The following CAP2 variants were observed in gnomAD, a reference collection of about 807,000 sequenced individuals.
The protein encoded by CAP2 is adenylyl cyclase-associated protein 2.
Under a neutral mutation model 57.7 loss-of-function variants are expected in CAP2, and 24 were observed. That is an observed-to-expected ratio of 0.42 (90% CI 0.30 to 0.58). CAP2 has a LOEUF of 0.58. Ranked by LOEUF, CAP2 falls within the 20% of genes least tolerant of loss-of-function variation. The pLI, the probability that CAP2 is intolerant of heterozygous loss-of-function variation, is 0.22. For missense variants in CAP2, 501 were observed against 590.3 expected (o/e 0.85, Z 1.57); for synonymous variants, 194 against 207.2 (o/e 0.94, Z 0.55).
At chr6:17,497,498 G>A (rs1274787299) in intron 4 of CAP2, among the ~76,000 whole-genome samples, 1 of 152,178 alleles carries the variant, frequency 6.6e-6, no homozygotes, top group African/African-American at 2.4e-5. Flanking sequence ...TTAAGCTTTG[G>A]TTTTCAACTT....
At chr6:17,544,136 A>G (rs1471464903) in intron 11 of CAP2, among the ~76,000 whole-genome samples, 24 of 150,124 alleles carry the variant, frequency 1.6e-4, no homozygotes, top group African/African-American at 5.3e-4. Flanking sequence ...AAAAAAAAAA[A>G]AGAAAAGAAA....
chr6:17,472,661 C>T lies in CAP2; in HGVS notation c.300+9588C>T, dbSNP rs575292488. On this transcript the variant is annotated intron_variant, in intron 4 of 12. Transcript: ENST00000229922. ...TAATTACATGGTGGCTAGCATGTGA[C>T]GGCTACTGCCCGTGCTGGATGTAGA... is the stretch of plus-strand genomic sequence containing the variant. Among the ~76,000 whole-genome samples, 393 of 152,218 alleles carry T rather than the reference C, an allele frequency of 2.6e-3. 2 individuals carry two copies. Among genetic ancestry groups the T allele is most frequent in the African/African-American group, 8.6e-3 (356 of 41,542 alleles).
At chr6:17,504,119 G>A (rs182166776) in intron 4 of CAP2, among the ~76,000 whole-genome samples, 73 of 152,278 alleles carry the variant, frequency 4.8e-4, no homozygotes, top group African/African-American at 1.7e-3. Flanking sequence ...TTGCATATAA[G>A]GGATGGGAAA....
intron 12 of CAP2, among the ~76,000 whole-genome samples, chr6:17,552,808 TTGATCTCCTTGAGCAGACG>T (rs1763201336): frequency 1.3e-5 from 2 of 152,150 alleles, no homozygotes; most frequent in Admixed American, 1.3e-4. Context: ...AACACACAGG[TTGATCTCCTTGAGCAGACG>T]GTGTGACTGC....
chr6:17,426,968 G>A (rs1344805875), intron 3 of CAP2, among the ~76,000 whole-genome samples: 1 of 152,122 alleles, frequency 6.6e-6, no homozygotes, highest in Non-Finnish European at 1.5e-5. Flanking sequence ...CTTTAGTCTG[G>A]GAAACAGATG....
intron 2 of CAP2, among the ~76,000 whole-genome samples, chr6:17,423,553 T>G (rs537602088): frequency 6.6e-6 from 1 of 152,236 alleles, no homozygotes; most frequent in East Asian, 1.9e-4. Context: ...ACCACAAATG[T>G]GAAGCCTGTG....
intron 1 of CAP2, among the ~76,000 whole-genome samples, chr6:17,420,617 T>C (rs1759414055): frequency 6.6e-6 from 1 of 152,196 alleles, no homozygotes; most frequent in African/African-American, 2.4e-5. Flanking sequence ...ATAGTGAAAA[T>C]ACGCTCCCAC....
intron 12 of CAP2, among the ~76,000 whole-genome samples, chr6:17,554,696 T>C (rs1057493223): frequency 6.6e-6 from 1 of 152,206 alleles, no homozygotes; most frequent in African/African-American, 2.4e-5. Flanking sequence ...ATCAGACACA[T>C]GAGGTTTCAA....
At chr6:17,444,698 T>A (rs1416391925) in intron 3 of CAP2, among the ~76,000 whole-genome samples, 2 of 146,762 alleles carry the variant, frequency 1.4e-5, no homozygotes, top group Non-Finnish European at 3.0e-5. Flanking sequence ...AATTAGCAAG[T>A]GAAATATTGA....
At chr6:17,421,724 C>T in intron 2 of CAP2, 48 bp downstream of exon 2, 1 of 1,606,716 alleles carries the variant, frequency 6.2e-7, no homozygotes, top group Non-Finnish European at 8.5e-7. Context: ...TGGGTTACTT[C>T]ATTTTGTTTC....
intron 4 of CAP2, among the ~76,000 whole-genome samples, chr6:17,465,388 G>C (rs1175517831): frequency 6.6e-6 from 1 of 152,092 alleles, no homozygotes; most frequent in Non-Finnish European, 1.5e-5. Flanking sequence ...AGGGAAACTG[G>C]TTCCCAGGGA....
intron 2 of CAP2, among the ~76,000 whole-genome samples, chr6:17,423,683 T>C (rs946610579): frequency 4.6e-5 from 7 of 152,190 alleles, no homozygotes; most frequent in Non-Finnish European, 8.8e-5. Context: ...AGATTGAACT[T>C]GGTACATTGT....
intron 4 of CAP2, among the ~76,000 whole-genome samples, chr6:17,472,730 C>T (rs1455665428): frequency 2.0e-5 from 3 of 152,162 alleles, no homozygotes; most frequent in Non-Finnish European, 4.4e-5. Flanking sequence ...GAAGGAGAGG[C>T]AGGGGTTTGT....
chr6:17,535,274 CTT>C (rs67286428), intron 7 of CAP2, among the ~76,000 whole-genome samples: 58 of 138,744 alleles, frequency 4.2e-4, no homozygotes, highest in Admixed American at 1.2e-3. Flanking sequence ...TGGCTAATGA[CTT>C]TTTTTTTTTT....
chr6:17,435,436 A>G (rs1229883239), intron 3 of CAP2, among the ~76,000 whole-genome samples: 2 of 39,330 alleles, frequency 5.1e-5, no homozygotes, highest in Non-Finnish European at 9.9e-5. Flanking sequence ...CAAGAACAAA[A>G]AACCAAACAC....
At chr6:17,532,657 GA>G (rs1189189241) in intron 7 of CAP2, among the ~76,000 whole-genome samples, 10 of 149,368 alleles carry the variant, frequency 6.7e-5, no homozygotes, top group African/African-American at 2.5e-5. Flanking sequence ...TGAGGCAGGA[GA>G]AATCACTTGA....
chr6:17,513,713 G>C lies in CAP2; in HGVS notation c.531-136G>C. The stretch of plus-strand genomic sequence containing the variant: ...AGGGTTCCCTTCTGAAGCCCTTCAC[G>C]GTGCCTGGGTTGCAAGGACGATTGC... On this transcript the variant is annotated intron_variant, in intron 6 of 12. Transcript: ENST00000229922. The surrounding 1 kb of genome is among the most constrained non-coding windows in gnomAD (Gnocchi z 4.3). 2 of 645,618 alleles carry C rather than the reference G, an allele frequency of 3.1e-6. No individual in the cohort carries two copies. Among genetic ancestry groups the C allele is most frequent in the Non-Finnish European group, 5.6e-6 (2 of 360,352 alleles). The allele number at this position is 645,618 out of a possible 1,614,324, so 40.0% of individuals were successfully genotyped here.
intron 7 of CAP2, among the ~76,000 whole-genome samples, chr6:17,517,282 C>A (rs1762292926): frequency 6.6e-6 from 1 of 152,190 alleles, no homozygotes; most frequent in South Asian, 2.1e-4. Context: ...CCTGTTAATT[C>A]TCTAATGGTG....
chr6:17,537,280 A>T (rs1014227593), intron 7 of CAP2, among the ~76,000 whole-genome samples: 1 of 152,072 alleles, frequency 6.6e-6, no homozygotes, highest in African/African-American at 2.4e-5. Context: ...TCTGCCTCCC[A>T]GGCTTAGGTG....
Sources: gnomAD v4.1 joint callset for allele counts (sites outside exome capture counted in the v4.1 genomes callset) on GRCh38, gnomAD v4.1.1 for gene constraint, Gnocchi (gnomAD v3.1) non-coding constraint, MANE v1.5 for transcripts, NCBI Gene and HGNC (gene_info 2026-07-23, HGNC 2026-07-21) for gene names.